PHACTR1: variants seen among roughly 807,000 people sequenced by gnomAD.
PHACTR1 encodes the protein RPEL repeat containing 1.
A neutral mutation model predicts 69.2 loss-of-function variants in PHACTR1; 16 were observed. The ratio of observed to expected loss-of-function variants is 0.23; its 90% CI spans 0.16 to 0.35. The LOEUF (loss-of-function observed/expected upper bound fraction) is 0.35, where lower values mean the gene tolerates loss of function less well. PHACTR1 is among the 10% of genes least tolerant of loss of function. The pLI, the probability that PHACTR1 is intolerant of heterozygous loss-of-function variation, is 1.00. For missense variants in PHACTR1, 510 were observed against 734.7 expected (o/e 0.69, Z 3.54); for synonymous variants, 312 against 284.5 (o/e 1.10, Z -0.97).
chr6:12,904,526 C>T (rs1306844727), intron 4 of PHACTR1, among the ~76,000 whole-genome samples: 2 of 148,872 alleles, frequency 1.3e-5, no homozygotes, highest in African/African-American at 2.5e-5. Flanking sequence ...AAGAGCAAAA[C>T]TCCATCTCAA....
intron 5 of PHACTR1, among the ~76,000 whole-genome samples, chr6:13,093,953 C>T (rs1813711241): frequency 6.6e-6 from 1 of 152,142 alleles, no homozygotes; most frequent in Non-Finnish European, 1.5e-5. Context: ...CTCACGGAAG[C>T]CTTAAACTCC....
chr6:12,719,259 C>A (rs73358026), intron 3 of PHACTR1, among the ~76,000 whole-genome samples: 1 of 152,174 alleles, frequency 6.6e-6, no homozygotes, highest in Admixed American at 6.5e-5. Flanking sequence ...TTGAGAGAAG[C>A]GCTGAGCTTC....
chr6:13,198,998 C>T (rs1392689599), intron 7 of PHACTR1, among the ~76,000 whole-genome samples: 1 of 152,162 alleles, frequency 6.6e-6, no homozygotes, highest in Non-Finnish European at 1.5e-5. Context: ...GATTCCTGGG[C>T]ACCACTGTGG....
intron 4 of PHACTR1, among the ~76,000 whole-genome samples, chr6:12,937,954 G>A (rs1286963482): frequency 6.6e-6 from 1 of 152,136 alleles, no homozygotes; most frequent in East Asian, 1.9e-4. Context: ...ACAAAAAGTA[G>A]CCAGGCATGG....
At chr6:12,958,689 T>C (rs1792224908) in intron 4 of PHACTR1, among the ~76,000 whole-genome samples, 2 of 152,166 alleles carry the variant, frequency 1.3e-5, no homozygotes, top group South Asian at 4.1e-4. Flanking sequence ...CATTTCTAAT[T>C]GTTATTTCTT....
At chr6:12,762,279 TAAA>T (rs1384788088) in intron 4 of PHACTR1, among the ~76,000 whole-genome samples, 3 of 152,158 alleles carry the variant, frequency 2.0e-5, no homozygotes, top group Non-Finnish European at 2.9e-5. Flanking sequence ...TTTTATTAAT[TAAA>T]AAAAGCAACA....
chr6:12,782,758 CA>C (rs1770999309), intron 4 of PHACTR1, among the ~76,000 whole-genome samples: 2 of 152,034 alleles, frequency 1.3e-5, no homozygotes, highest in South Asian at 4.1e-4. Flanking sequence ...AACAGAGAAA[CA>C]GAAAATATAG....
chr6:12,913,474 C>A (rs73362192), intron 4 of PHACTR1, among the ~76,000 whole-genome samples: 2 of 152,162 alleles, frequency 1.3e-5, no homozygotes, highest in Non-Finnish European at 2.9e-5. Context: ...AGGAAATGTC[C>A]GAATGGATAA....
In PHACTR1 at chr6:13,275,644, GC is replaced by G. The variant is rs1404970368; in HGVS notation, c.1448-2622del. 6.6e-6 allele frequency: 1 copy of G among 151,936 alleles called. No homozygotes were observed. Among genetic ancestry groups the G allele is most frequent in the Non-Finnish European group, 1.5e-5 (1 of 68,084 alleles). 9.4% of individuals were successfully genotyped at this position (151,936 alleles called of 1,614,324 possible). On this transcript the variant is annotated intron_variant, in intron 11 of 14. Coordinates refer to ENST00000332995, the MANE Select transcript of PHACTR1 (RefSeq NM_030948.6). The surrounding 1 kb of genome is among the most constrained non-coding windows in gnomAD (Gnocchi z 4.0). ...AAAAACCTATCTGTGTAACCACTGAGCCAGGTAGGGTGTGACTGGCCACTTA... is the reference window on the plus strand; with the variant it reads ...AAAAACCTATCTGTGTAACCACTGAGCAGGTAGGGTGTGACTGGCCACTTA...
chr6:12,896,339 A>C (rs1448574161), intron 4 of PHACTR1, among the ~76,000 whole-genome samples: 1 of 152,260 alleles, frequency 6.6e-6, no homozygotes, highest in Non-Finnish European at 1.5e-5. Flanking sequence ...TAATTGATTT[A>C]GCACCATTTG....
chr6:12,732,313 T>TC (rs1763641933), intron 3 of PHACTR1, among the ~76,000 whole-genome samples: 1 of 151,124 alleles, frequency 6.6e-6, no homozygotes. Flanking sequence ...CACAGATTTT[T>TC]TTTGGGGGTG....
chr6:12,872,015 C>T (rs1782082457), intron 4 of PHACTR1, among the ~76,000 whole-genome samples: 1 of 151,564 alleles, frequency 6.6e-6, no homozygotes, highest in African/African-American at 2.4e-5. Context: ...GTTTTTTTAC[C>T]ATTATGAACA....
chr6:13,096,134 A>G (rs1814210376), intron 5 of PHACTR1, among the ~76,000 whole-genome samples: 1 of 152,170 alleles, frequency 6.6e-6, no homozygotes. Context: ...AGAGGTTAAA[A>G]TGAGAACCTT....
At chr6:12,939,867 A>AT (rs1279701549) in intron 4 of PHACTR1, among the ~76,000 whole-genome samples, 1 of 152,056 alleles carries the variant, frequency 6.6e-6, no homozygotes, top group Non-Finnish European at 1.5e-5. Flanking sequence ...AATTGAGTGC[A>AT]TTTTTTCCAC....
chr6:13,154,547 T>A (rs1224129546), intron 5 of PHACTR1, among the ~76,000 whole-genome samples: 1 of 152,148 alleles, frequency 6.6e-6, no homozygotes, highest in Non-Finnish European at 1.5e-5. Context: ...CTTCTGACTT[T>A]ATTTTTTTAT....
At chr6:13,083,213 A>G (rs1027657183) in intron 5 of PHACTR1, among the ~76,000 whole-genome samples, 14 of 152,150 alleles carry the variant, frequency 9.2e-5, no homozygotes, top group African/African-American at 3.4e-4. Flanking sequence ...TCCTTTCCCC[A>G]TTTCTTCTTT....
At chr6:13,040,905 G>A (rs765648073) in intron 4 of PHACTR1, among the ~76,000 whole-genome samples, 3 of 152,194 alleles carry the variant, frequency 2.0e-5, no homozygotes, top group Non-Finnish European at 4.4e-5. Context: ...TACACAGCAA[G>A]TCATGATTAA....
intron 3 of PHACTR1, among the ~76,000 whole-genome samples, chr6:12,743,198 A>AC: frequency 6.6e-6 from 1 of 151,728 alleles, no homozygotes; most frequent in Non-Finnish European, 1.5e-5. Context: ...GGAAAAAAAA[A>AC]AAAAAAACAA....
intron 4 of PHACTR1, among the ~76,000 whole-genome samples, chr6:12,754,871 T>G (rs1767106394): frequency 6.6e-6 from 1 of 152,260 alleles, no homozygotes; most frequent in Non-Finnish European, 1.5e-5. Context: ...AGAGATAATT[T>G]AAAGTATACA....
Sources: allele counts gnomAD v4.1 joint callset (sites outside exome capture counted in the v4.1 genomes callset), GRCh38; gene constraint gnomAD v4.1.1; non-coding constraint Gnocchi (gnomAD v3.1); transcripts MANE v1.5; gene names NCBI Gene and HGNC (gene_info 2026-07-23, HGNC 2026-07-21).